Variants in C14orf39 observed in about 807,000 individuals in gnomAD.
C14orf39 encodes the protein protein SIX6OS1.
A neutral mutation model predicts 85.6 loss-of-function variants in C14orf39; 66 were observed. The observed-to-expected ratio is 0.77, with a 90% CI of 0.63 to 0.95. C14orf39 has a LOEUF of 0.95. Ranked by LOEUF, C14orf39 falls within the 40% of genes least tolerant of loss-of-function variation. C14orf39 has a pLI of 0.00. For synonymous variants in C14orf39, 242 were observed against 214.0 expected (o/e 1.13, Z -1.14); for missense variants, 735 against 663.9 (o/e 1.11, Z -1.18).
chr14:60,514,351 A>C (rs544857342), intron 1 of C14orf39, among the ~76,000 whole-genome samples: 9 of 152,338 alleles, frequency 5.9e-5, no homozygotes, highest in African/African-American at 2.2e-4. Flanking sequence ...TTTCCCAAAA[A>C]GCAGCTACTC....
intron 1 of C14orf39, among the ~76,000 whole-genome samples, chr14:60,507,662 C>G (rs1488111966): frequency 6.6e-6 from 1 of 152,210 alleles, no homozygotes; most frequent in Admixed American, 6.5e-5. Context: ...GCCCTGCACT[C>G]AGGCGTGGCG....
chr14:60,483,751 G>C lies in C14orf39; in HGVS notation c.173C>G (p.Thr58Arg). The C allele has an allele frequency of 6.3e-7, 1 of 1,586,526 alleles. No homozygotes were observed. The highest frequency in any genetic ancestry group is 1.1e-5 in the South Asian group (1 of 89,626). ...ACAGTAATGATCAATTTCCTCATCT[G>C]TTGCATTTATAGTTTCGTGTATCCT... ...ICRIHETINA[T>R]DEEIDHYCKH... Residue 58 changes from threonine (T) to arginine (R), a missense_variant, in exon 4 of 18, where the codon ACA becomes AGA. Thr to Arg is a moderately conservative substitution (Grantham distance 71). Coordinates refer to ENST00000321731, the MANE Select transcript of C14orf39 (RefSeq NM_174978.3).
Position 60,436,958 on chromosome 14 carries a change from C to A in C14orf39, c.1651G>T (p.Asp551Tyr), listed in dbSNP as rs759673165. The A allele has an allele frequency of 6.2e-7, 1 of 1,612,704 alleles. No individual in the cohort carries two copies. Among genetic ancestry groups the A allele is most frequent in the Non-Finnish European group, 8.5e-7 (1 of 1,179,064 alleles). ...AATGAAAATGGAAAACTAAAATCAT[C>A]TTTTCCAGCTCCAAATGTATGAGTT... ...TSTHTFGAGK[D>Y]DFSFPFSFGQ... Residue 551 changes from aspartate (D) to tyrosine (Y), a missense_variant, in exon 18 of 18, where the codon GAT (aspartate) becomes TAT (tyrosine). By Grantham distance (160) the Asp-to-Tyr change is radical. Transcript: ENST00000321731.
chr14:60,442,514 C>A (rs939000544), intron 16 of C14orf39, among the ~76,000 whole-genome samples: 1 of 152,098 alleles, frequency 6.6e-6, no homozygotes. Context: ...TGCCAAAAGT[C>A]TATTTTATCA....
chr14:60,439,553 A>G (rs1252741113), intron 17 of C14orf39, among the ~76,000 whole-genome samples: 1 of 152,210 alleles, frequency 6.6e-6, no homozygotes, highest in Non-Finnish European at 1.5e-5. Context: ...TAAAAGCCAG[A>G]ATAATGGAGA....
At chr14:60,509,308 C>A in intron 1 of C14orf39, 1 of 1,153,386 alleles carries the variant, frequency 8.7e-7, no homozygotes, top group Non-Finnish European at 1.3e-6. Context: ...GCCTCATCAA[C>A]AAGCGCCTGG....
chr14:60,481,896 AT>A (rs1892655844), intron 4 of C14orf39, among the ~76,000 whole-genome samples: 1 of 151,950 alleles, frequency 6.6e-6, no homozygotes, highest in Non-Finnish European at 1.5e-5. Flanking sequence ...TTTGTCTTTT[AT>A]ATCATTATAG....
At chr14:60,479,632 T>A (rs747773883) in intron 4 of C14orf39, among the ~76,000 whole-genome samples, 1 of 151,524 alleles carries the variant, frequency 6.6e-6, no homozygotes, top group Non-Finnish European at 1.5e-5. Context: ...CCTTCTAGAC[T>A]TTTTGTAATT....
intron 17 of C14orf39, among the ~76,000 whole-genome samples, chr14:60,438,364 T>C (rs1047346475): frequency 1.3e-5 from 2 of 152,108 alleles, no homozygotes; most frequent in Admixed American, 6.6e-5. Flanking sequence ...CACAGCCATA[T>C]GACTTAAAGA....
chr14:60,493,624 A>G (rs1595493499), intron 2 of C14orf39: 1 of 152,230 alleles, frequency 6.6e-6, no homozygotes, highest in Non-Finnish European at 1.5e-5. Context: ...GTGTTGGTAT[A>G]AATTTTTATT....
At position 60,468,440 on chromosome 14, in the gene C14orf39, T is replaced by C. The variant is rs370384511; in HGVS notation, c.767+5A>G. 322 of 1,534,796 alleles carry C rather than the reference T, an allele frequency of 2.1e-4. No individual in the cohort carries two copies. The highest frequency in any genetic ancestry group is 2.6e-4 in the Non-Finnish European group (293 of 1,124,366). On this transcript the variant is annotated splice_donor_5th_base_variant and intron_variant, in intron 9 of 17. Coordinates refer to ENST00000321731, the MANE Select transcript of C14orf39 (RefSeq NM_174978.3). The stretch of plus-strand genomic sequence containing the variant: ...ATAAAATTTAATTTTAAAGGTTACC[T>C]ATACCTTTCTTTCAGTTCTTTTCTG...
In C14orf39 at chr14:60,483,778, C is replaced by T. The variant is rs1254836767; in HGVS notation, c.146G>A (p.Cys49Tyr). The T allele has an allele frequency of 1.3e-6, 2 of 1,547,742 alleles. No individual in the cohort carries two copies. The highest frequency in any genetic ancestry group is 1.7e-5 in the Admixed American group (1 of 58,160). ...EDIKENKVTICRIHETINATD... is the reference protein window; with the variant it reads ...EDIKENKVTIYRIHETINATD... ...TGCATTTATAGTTTCGTGTATCCTA[C>T]AAATAGTTACTTTGTTTTCCTTAAT... Residue 49 changes from cysteine to tyrosine, a missense_variant, in exon 4 of 18, where the codon TGT (cysteine) becomes TAT (tyrosine). By Grantham distance (194) the Cys-to-Tyr change is radical. Transcript: ENST00000321731.
In C14orf39 at chr14:60,454,994, A is replaced by C. The variant is rs1256581025; in HGVS notation, c.1503+7T>G. ...TTAGAAATAAAACTTTTGGCTTCTC[A>C]TATTACCTGATCTGATGAGATTTCT... On this transcript the variant is annotated splice_region_variant and intron_variant, in intron 16 of 17. Coordinates refer to ENST00000321731, the MANE Select transcript of C14orf39 (RefSeq NM_174978.3). 2 of 1,518,692 alleles carry C rather than the reference A, an allele frequency of 1.3e-6. No homozygotes were observed. Among genetic ancestry groups the C allele is most frequent in the Middle Eastern group, 1.8e-4 (1 of 5,578 alleles). The allele number at this position is 1,518,692 out of a possible 1,614,324, so 94.1% of individuals were successfully genotyped here.
intron 2 of C14orf39, chr14:60,496,657 A>G (rs1460574095): frequency 1.9e-5 from 3 of 153,968 alleles, no homozygotes; most frequent in Non-Finnish European, 4.3e-5. Context: ...AGAACTTTGC[A>G]CAGCATCTCT....
chr14:60,503,506 G>GT (rs1463587082), intron 1 of C14orf39, among the ~76,000 whole-genome samples: 1 of 152,182 alleles, frequency 6.6e-6, no homozygotes, highest in Admixed American at 6.5e-5. Flanking sequence ...ATGGATACAA[G>GT]TTTGAGTCTA....
chr14:60,458,587 A>G, intron 14 of C14orf39, 91 bp downstream of exon 14: 1 of 858,830 alleles, frequency 1.2e-6, no homozygotes, highest in Non-Finnish European at 1.8e-6. Context: ...CATCTCACAT[A>G]AATCACTGTA....
intron 5 of C14orf39, among the ~76,000 whole-genome samples, chr14:60,474,128 T>C (rs1414153413): frequency 6.6e-6 from 1 of 152,218 alleles, no homozygotes; most frequent in Non-Finnish European, 1.5e-5. Context: ...ATATCCCTTC[T>C]AAGTTGGATT....
intron 1 of C14orf39, chr14:60,510,986 CT>C: frequency 7.6e-7 from 1 of 1,308,508 alleles, no homozygotes; most frequent in Non-Finnish European, 1.1e-6. Context: ...TCGGAAGAAC[CT>C]CTAGCCGCCG....
intron 17 of C14orf39, 102 bp from the exon 18 acceptor site, chr14:60,437,149 T>C: frequency 2.6e-6 from 2 of 755,064 alleles, no homozygotes; most frequent in African/African-American, 1.8e-5. Flanking sequence ...ATGGTAACAC[T>C]GAATCAGTGT....
Sources: allele counts gnomAD v4.1 joint callset (sites outside exome capture counted in the v4.1 genomes callset), GRCh38; gene constraint gnomAD v4.1.1; transcripts MANE v1.5; gene names NCBI Gene and HGNC (gene_info 2026-07-23, HGNC 2026-07-21).